Variants in SEMA3A observed in about 807,000 individuals in gnomAD.
The protein encoded by SEMA3A is semaphorin 3A, also known as semaphorin-3A.
Under a neutral mutation model 97.9 loss-of-function variants are expected in SEMA3A, and 29 were observed. The observed-to-expected ratio is 0.30, with a 90% CI of 0.22 to 0.40. The LOEUF is 0.40. Ranked by LOEUF, SEMA3A falls within the 10% of genes least tolerant of loss-of-function variation. The pLI is 1.00. For missense variants in SEMA3A, 763 were observed against 951.3 expected (o/e 0.80, Z 2.60); for synonymous variants, 321 against 323.7 (o/e 0.99, Z 0.09).
At chr7:84,198,543 G>A (rs75514321), upstream of SEMA3A, among the ~76,000 whole-genome samples, 1,400 of 152,258 alleles carry the variant, frequency 9.2e-3, 17 homozygotes, top group African/African-American at 0.033. Flanking sequence ...TAAGGTATAA[G>A]TGAAATATTC....
chr7:84,279,453 TA>T (rs71078819), intron 3 of SEMA3A, among the ~76,000 whole-genome samples: 1 of 151,406 alleles, frequency 6.6e-6, no homozygotes, highest in East Asian at 2.0e-4. Context: ...CCTATAATCT[TA>T]AAAAAAATGT....
intron 1 of SEMA3A, among the ~76,000 whole-genome samples, chr7:84,402,039 C>A (rs1803917975): frequency 6.6e-6 from 1 of 152,022 alleles, no homozygotes; most frequent in Admixed American, 6.6e-5. Context: ...GCAAAGGAAA[C>A]AATGAAGAAA....
intron 1 of SEMA3A, among the ~76,000 whole-genome samples, chr7:84,151,683 A>G (rs1407437706): frequency 1.3e-5 from 2 of 152,214 alleles, no homozygotes; most frequent in Admixed American, 1.3e-4. Flanking sequence ...ACAAAAGACA[A>G]AATTGACAAA....
intron 1 of SEMA3A, among the ~76,000 whole-genome samples, chr7:84,405,771 T>G (rs1437025101): frequency 6.6e-6 from 1 of 152,110 alleles, no homozygotes; most frequent in African/African-American, 2.4e-5. Flanking sequence ...ACATGGAAAC[T>G]GAACAACAAC....
chr7:84,427,671 A>AAT (rs1804863429), intron 1 of SEMA3A, among the ~76,000 whole-genome samples: 1 of 125,170 alleles, frequency 8.0e-6, no homozygotes, highest in Non-Finnish European at 1.8e-5. Context: ...AAAAAAAAAA[A>AAT]GTATTCACTC....
chr7:84,040,540 T>A (rs1792100984), intron 6 of SEMA3A, among the ~76,000 whole-genome samples: 1 of 152,128 alleles, frequency 6.6e-6, no homozygotes, highest in African/African-American at 2.4e-5. Context: ...CTAATTAATT[T>A]GCAAACAGGC....
rs114119099 is a variant in SEMA3A at position 84,257,159 on chromosome 7, C to T, written c.-83+50048G>A. ...AACTTAATTTCTGACTCTATAGCAG[C>T]TAAAGGTTTGGTCCTCCTAAATCAC... On this transcript the variant is annotated intron_variant, in intron 3 of 3. Coordinates refer to the SEMA3A transcript ENST00000424555. 3.4e-3 allele frequency among the ~76,000 whole-genome samples: 514 copies of T among 152,086 alleles called. 1 individual carries two copies. Among genetic ancestry groups the T allele is most frequent in the African/African-American group, 0.012 (489 of 41,512 alleles).
chr7:84,179,184 T>C (rs1412350063), intron 1 of SEMA3A, among the ~76,000 whole-genome samples: 1 of 152,174 alleles, frequency 6.6e-6, no homozygotes, highest in African/African-American at 2.4e-5. Context: ...CCTATACATA[T>C]CCCATAATTA....
chr7:84,403,805 A>C (rs1284206437), intron 1 of SEMA3A, among the ~76,000 whole-genome samples: 1 of 152,188 alleles, frequency 6.6e-6, no homozygotes, highest in Admixed American at 6.5e-5. Flanking sequence ...GACCTCCAGT[A>C]AACTCCAATA....
chr7:83,972,236 T>G (rs1788949353), intron 15 of SEMA3A, among the ~76,000 whole-genome samples: 2 of 151,968 alleles, frequency 1.3e-5, no homozygotes, highest in African/African-American at 2.4e-5. Context: ...TAAAATTTGC[T>G]GTGTGGCTTC....
Position 84,293,603 on chromosome 7 carries a change from T to G in SEMA3A, c.-83+13604A>C, listed in dbSNP as rs114589186. On this transcript the variant is annotated intron_variant, in intron 3 of 3. Transcript: ENST00000424555. ...ATTCTTAACTATCTCTACAAGTGGATGGGGAGAAGTCACAGTTCCATAAAT... is the reference window on the plus strand; with the variant it reads ...ATTCTTAACTATCTCTACAAGTGGAGGGGGAGAAGTCACAGTTCCATAAAT... Among the ~76,000 whole-genome samples the G allele has an allele frequency of 9.6e-3, 1,460 of 152,144 alleles. 24 individuals are homozygous for G. Among genetic ancestry groups the G allele is most frequent in the African/African-American group, 0.033 (1,361 of 41,554 alleles).
In SEMA3A at chr7:83,961,605, G is replaced by A. The variant is rs1443797354; in HGVS notation, c.2082C>T (p.Ser694=). The A allele has an allele frequency of 1.9e-6, 3 of 1,614,082 alleles. No homozygotes were observed. The South Asian group carries it at 3.3e-5, about 18-fold the overall frequency. Residue 694 remains serine, a synonymous_variant, in exon 17 of 17, where the codon AGC becomes AGT. Coordinates refer to ENST00000265362, the MANE Select transcript of SEMA3A (RefSeq NM_006080.3). ...ACCAGACCTTCTGGCTAGGTGTCAT[G>A]CTATTGGACATTTCTTTGGTCTTAG... ...DGSKTKEMSN[S]MTPSQKVWYR... is the part of the protein sequence containing the mutation.
chr7:84,430,058 G>T (rs1444480860), intron 1 of SEMA3A, among the ~76,000 whole-genome samples: 1 of 151,956 alleles, frequency 6.6e-6, no homozygotes, highest in Non-Finnish European at 1.5e-5. Flanking sequence ...AGTAGAGTGG[G>T]TTTGTTTCTT....
At chr7:84,028,984 TTGAC>T (rs1247358863) in intron 6 of SEMA3A, among the ~76,000 whole-genome samples, 4 of 152,178 alleles carry the variant, frequency 2.6e-5, no homozygotes, top group African/African-American at 9.7e-5. Context: ...ATATTATTGA[TTGAC>T]TGATTCCCAT....
chr7:84,190,340 G>T (rs1412832623), intron 1 of SEMA3A, among the ~76,000 whole-genome samples: 2 of 151,630 alleles, frequency 1.3e-5, no homozygotes, highest in Non-Finnish European at 3.0e-5. Flanking sequence ...TGAATAAAAA[G>T]TTCTAGTTTT....
At chr7:84,331,201 G>A (rs554260781) in intron 2 of SEMA3A, among the ~76,000 whole-genome samples, 3 of 151,952 alleles carry the variant, frequency 2.0e-5, no homozygotes, top group Non-Finnish European at 4.4e-5. Flanking sequence ...AAGAACTTTA[G>A]GGTATCAAAA....
At chr7:84,270,590 ATAAT>A (rs1418237400) in intron 3 of SEMA3A, among the ~76,000 whole-genome samples, 2 of 147,600 alleles carry the variant, frequency 1.4e-5, no homozygotes, top group Non-Finnish European at 3.0e-5. Flanking sequence ...AAATATATAA[ATAAT>A]TATTTATATA....
intron 12 of SEMA3A, 152 bp from the exon 13 acceptor site, chr7:83,985,629 C>T: frequency 6.0e-6 from 4 of 668,428 alleles, no homozygotes; most frequent in Middle Eastern, 5.0e-4. Context: ...CATAAAGAAA[C>T]TGCATAGATA....
intron 1 of SEMA3A, among the ~76,000 whole-genome samples, chr7:84,392,657 T>G (rs1181514238): frequency 6.6e-6 from 1 of 152,156 alleles, no homozygotes; most frequent in Non-Finnish European, 1.5e-5. Context: ...ATAATGCTTT[T>G]CCTAATTTAC....
Sources: gnomAD v4.1 joint callset for allele counts (sites outside exome capture counted in the v4.1 genomes callset) on GRCh38, gnomAD v4.1.1 for gene constraint, MANE v1.5 for transcripts, NCBI Gene and HGNC (gene_info 2026-07-23, HGNC 2026-07-21) for gene names.